TIMELESS: variants seen among roughly 807,000 people sequenced by gnomAD.
TIMELESS encodes timeless circadian regulator.
In TIMELESS, 124 loss-of-function variants were observed where a neutral mutation model predicts 164.3. That is an observed-to-expected ratio of 0.75 (90% CI 0.65 to 0.88). The LOEUF is 0.88. TIMELESS is among the 40% of genes least tolerant of loss of function. The pLI is 0.00. For synonymous variants in TIMELESS, 564 were observed against 563.4 expected (o/e 1.00, Z -0.02); for missense variants, 1,422 against 1,491.4 (o/e 0.95, Z 0.77).
intron 7 of TIMELESS, 27 bp downstream of exon 7, chr12:56,432,342 G>T (rs1162642655): frequency 6.2e-7 from 1 of 1,600,298 alleles, no homozygotes; most frequent in South Asian, 1.1e-5. Flanking sequence ...GGGCGGAGGG[G>T]ACTCGGGCAA....
rs1363184559 is a variant in TIMELESS at position 56,428,326 on chromosome 12, G to A, written c.1488C>T (p.Arg496=). Residue 496 remains arginine (R), a synonymous_variant, in exon 13 of 29, where the codon CGC becomes CGT. Coordinates refer to ENST00000553532, the MANE Select transcript of TIMELESS (RefSeq NM_003920.5). ...TCTCCACCAGGTCACGAAGGAAAGAGCGGGGCTGGCATCTCTCATCAAACT... is the reference window on the plus strand; with the variant it reads ...TCTCCACCAGGTCACGAAGGAAAGAACGGGGCTGGCATCTCTCATCAAACT... ...FRKFDERCQP[R]SFLRDLVETT... 1.9e-6 allele frequency: 3 copies of A among 1,613,658 alleles called. No homozygotes were observed. The highest frequency in any genetic ancestry group is 2.5e-6 in the Non-Finnish European group (3 of 1,179,736).
intron 7 of TIMELESS, among the ~76,000 whole-genome samples, chr12:56,432,098 C>T (rs1881906303): frequency 1.3e-5 from 2 of 152,096 alleles, no homozygotes; most frequent in Admixed American, 6.6e-5. Flanking sequence ...TTTCATCACA[C>T]TACTCAGAAC....
chr12:56,421,103 CA>C lies in TIMELESS; in HGVS notation c.2899del (p.Cys967AlafsTer33), dbSNP rs1565679149. The C allele has an allele frequency of 6.2e-7, 1 of 1,614,060 alleles. No homozygotes were observed. The highest frequency in any genetic ancestry group is 8.5e-7 in the Non-Finnish European group (1 of 1,180,018). On this transcript the variant is annotated frameshift_variant, in exon 24 of 29. Coordinates refer to ENST00000553532, the MANE Select transcript of TIMELESS (RefSeq NM_003920.5). LOFTEE classifies it high-confidence loss of function. ...TTCCTCTTCTTCCAGATCTTCCTGG[CA>C]AAAATCTTTCAGGGACTCCGCTCCA... is the stretch of plus-strand genomic sequence containing the variant. ...PNGAESLKDF[C>X]QEDLEEEENL...
Position 56,418,149 on chromosome 12 carries a change from G to A in TIMELESS, c.3439C>T (p.Leu1147=), listed in dbSNP as rs758750307. The A allele has an allele frequency of 1.2e-5, 20 of 1,614,122 alleles. No homozygotes were observed. The highest frequency in any genetic ancestry group is 1.2e-4 in the South Asian group (11 of 91,084). The part of the protein sequence containing the change: ...LLLAHKKKAG[L]ASPEEEDAVG... ...GCACTATTACCCTCTGGGGATGCCA[G>A]GCCCGCTTTCTTCTTGTGGGCTAGC... The change falls in exon 27 of 29, where the codon CTG becomes TTG. Residue 1147 remains leucine (L), a synonymous_variant. Coordinates refer to ENST00000553532, the MANE Select transcript of TIMELESS (RefSeq NM_003920.5).
intron 13 of TIMELESS, among the ~76,000 whole-genome samples, chr12:56,426,976 A>G (rs1237608261): frequency 6.6e-6 from 1 of 152,020 alleles, no homozygotes; most frequent in Non-Finnish European, 1.5e-5. Flanking sequence ...TTTATTTTTC[A>G]GAGATAGGGT....
Position 56,432,871 on chromosome 12 carries a change from C to T in TIMELESS, c.531+155G>A, listed in dbSNP as rs577608322. ...GGCAGAGGCTGAGGCAGGAGAATGGCGTGAACCCAGGAGACAGAGCTTGCA... is the reference window on the plus strand; with the variant it reads ...GGCAGAGGCTGAGGCAGGAGAATGGTGTGAACCCAGGAGACAGAGCTTGCA... On this transcript the variant is annotated intron_variant, in intron 6 of 28. Coordinates refer to ENST00000553532, the MANE Select transcript of TIMELESS (RefSeq NM_003920.5). Among the ~76,000 whole-genome samples the T allele has an allele frequency of 7.6e-5, 11 of 144,996 alleles. No homozygotes were observed. In the East Asian group the frequency reaches 2.1e-3, roughly 28 times the overall value.
In TIMELESS at chr12:56,433,542, T is replaced by C. The variant is rs1014868721; in HGVS notation, c.362A>G (p.Lys121Arg). The change falls in exon 4 of 29, where the codon AAA (lysine) becomes AGA (arginine). Residue 121 changes from lysine (K) to arginine (R), a missense_variant. Lys to Arg is a conservative substitution (Grantham distance 26). Transcript: ENST00000553532. ...GACTCCAAAGGAAATCCTCACCTCT[T>C]TGTAGGCCTGCAAATAAGTTAGCAC... ...LQVLTYLQAY[K>R]EAFASEKAFG... is the part of the protein sequence containing the mutation. 6.2e-7 allele frequency: 1 copy of C among 1,614,046 alleles called. No individual in the cohort carries two copies. The highest frequency in any genetic ancestry group is 1.7e-5 in the Admixed American group (1 of 59,998).
At chr12:56,445,362 C>T (rs1178184810) in intron 1 of TIMELESS, among the ~76,000 whole-genome samples, 1 of 120,350 alleles carries the variant, frequency 8.3e-6, no homozygotes, top group Non-Finnish European at 1.6e-5. Context: ...GTGGAGGTTG[C>T]GGTGAGCCGA....
In TIMELESS at chr12:56,420,698, G is replaced by A; in HGVS notation, c.3110-11C>T. 3 of 1,614,032 alleles carry A rather than the reference G, an allele frequency of 1.9e-6. No individual in the cohort carries two copies. The highest frequency in any genetic ancestry group is 2.5e-6 in the Non-Finnish European group (3 of 1,179,882). ...CGGCCTGGGAGCAGCCTAAGACAGG[G>A]TCAATAGTCATATGGTGAAGATATA... On this transcript the variant is annotated splice_polypyrimidine_tract_variant and intron_variant, in intron 25 of 28. Transcript: ENST00000553532.
intron 1 of TIMELESS, among the ~76,000 whole-genome samples, chr12:56,443,819 G>A (rs1306119090): frequency 6.6e-6 from 1 of 151,946 alleles, no homozygotes; most frequent in African/African-American, 2.4e-5. Flanking sequence ...AAATATTGGG[G>A]GCTGGTTCCC....
At chr12:56,435,820 G>A (rs911348300) in intron 1 of TIMELESS, among the ~76,000 whole-genome samples, 11 of 152,102 alleles carry the variant, frequency 7.2e-5, no homozygotes, top group African/African-American at 1.9e-4. Context: ...TTAGCCAGGC[G>A]CGATGGCGGG....
At chr12:56,429,995 T>C in intron 10 of TIMELESS, 110 bp downstream of exon 10, 1 of 1,096,900 alleles carries the variant, frequency 9.1e-7, no homozygotes, top group Non-Finnish European at 1.3e-6. Flanking sequence ...CGAGTCCACA[T>C]TCCAGGGGCA....
chr12:56,428,730 A>G (rs1881761638), intron 11 of TIMELESS, 78 bp from the exon 12 acceptor site: 3 of 783,390 alleles, frequency 3.8e-6, no homozygotes, highest in South Asian at 4.8e-5. Flanking sequence ...TCCCACAGCG[A>G]AAAAAAAAAA....
intron 1 of TIMELESS, among the ~76,000 whole-genome samples, chr12:56,442,466 C>T (rs1282987172): frequency 6.6e-6 from 1 of 152,202 alleles, no homozygotes; most frequent in East Asian, 1.9e-4. Flanking sequence ...AGAACCTAAG[C>T]CAGGGAGCCA....
rs371945970 is a variant in TIMELESS, at chr12:56,425,060, C to T, written c.1671G>A (p.Glu557=). 13 of 1,614,120 alleles carry T rather than the reference C, an allele frequency of 8.1e-6. No homozygotes were observed. Among genetic ancestry groups the T allele is most frequent in the Non-Finnish European group, 1.1e-5 (13 of 1,180,054 alleles). ...GNVPSSPEEV[E]AVWPALAEQL... ...GCTCAGCCAGGGCTGGCCACACAGC[C>T]TCCACTTCTTCTGGGCTAGATGGGA... Residue 557 remains glutamate, a synonymous_variant, in exon 14 of 29, where the codon GAG becomes GAA. Coordinates refer to ENST00000553532, the MANE Select transcript of TIMELESS (RefSeq NM_003920.5).
At chr12:56,421,218 C>A (rs372109938) in intron 23 of TIMELESS, 84 bp from the exon 24 acceptor site, 50 of 1,580,932 alleles carry the variant, frequency 3.2e-5, no homozygotes, top group Non-Finnish European at 4.1e-5. Context: ...GACCACCGCA[C>A]CCCCCCGCGC....
At position 56,418,359 on chromosome 12, in the gene TIMELESS, C is replaced by A; in HGVS notation, c.3229G>T (p.Glu1077Ter). ...TTGGCTGGAATTCGCCAGAAGGTTTCCTACAGGGGCCAAAAAGTTGAAAAG... is the reference window on the plus strand; with the variant it reads ...TTGGCTGGAATTCGCCAGAAGGTTTACTACAGGGGCCAAAAAGTTGAAAAG... The part of the protein sequence containing the change: ...LGVRPPASGQ[E>*]TFWRIPAKLS... Residue 1077 changes from glutamate (E) to a stop codon, truncating the protein, a stop_gained and splice_region_variant, in exon 27 of 29, where the codon GAA (glutamate) becomes TAA (stop). Transcript: ENST00000553532. LOFTEE classifies it high-confidence loss of function. 6.3e-7 allele frequency: 1 copy of A among 1,596,152 alleles called. No individual in the cohort carries two copies. Among genetic ancestry groups the A allele is most frequent in the Non-Finnish European group, 8.5e-7 (1 of 1,172,848 alleles).
intron 21 of TIMELESS, 42 bp downstream of exon 21, chr12:56,421,857 G>C: frequency 6.2e-7 from 1 of 1,613,042 alleles, no homozygotes; most frequent in South Asian, 1.1e-5. Flanking sequence ...AAGTGATCAC[G>C]AGTCCCCATC....
chr12:56,418,459 AC>A, intron 26 of TIMELESS, 100 bp from the exon 27 acceptor site: 2 of 822,788 alleles, frequency 2.4e-6, no homozygotes, highest in South Asian at 3.5e-5. Context: ...GTGAAGATCC[AC>A]AAGGGTTGTG....
Sources: allele counts gnomAD v4.1 joint callset (sites outside exome capture counted in the v4.1 genomes callset), GRCh38; gene constraint gnomAD v4.1.1; transcripts MANE v1.5; gene names NCBI Gene and HGNC (gene_info 2026-07-23, HGNC 2026-07-21).